The following MEF2B variants were observed in gnomAD, a reference collection of about 807,000 sequenced individuals.
The protein encoded by MEF2B is myocyte enhancer factor 2B, also known as myocyte-specific enhancer factor 2B.
In MEF2B, 15 loss-of-function variants were observed where a neutral mutation model predicts 32.2. That is an observed-to-expected ratio of 0.47 (90% confidence interval 0.31 to 0.72). The LOEUF (loss-of-function observed/expected upper bound fraction) is 0.72. Ranked by LOEUF, MEF2B falls within the 30% of genes least tolerant of loss-of-function variation. MEF2B has a pLI of 0.05. For synonymous variants in MEF2B, 205 were observed against 225.6 expected (o/e 0.91, Z 0.82); for missense variants, 441 against 511.5 (o/e 0.86, Z 1.33).
In MEF2B at chr19:19,147,046, G is replaced by A. The variant is rs758219916; in HGVS notation, c.531C>T (p.Ala177=). 9 of 1,602,182 alleles carry A rather than the reference G, an allele frequency of 5.6e-6. No individual in the cohort carries two copies. The South Asian group carries it at 7.8e-5, about 14-fold the overall frequency. ...PSPFRPAAPK[A]GPPGLVHPLF... is the part of the protein sequence containing the mutation. Reference sequence around the variant, plus strand: ...CTGTCCCATGCTCACCTGGGGGCCCGGCTTTGGGGGCTGCTGGTCGGAAGG... The same window carrying A: ...CTGTCCCATGCTCACCTGGGGGCCCAGCTTTGGGGGCTGCTGGTCGGAAGG... The change falls in exon 5 of 9, where the codon GCC becomes GCT. Residue 177 remains alanine (A), a synonymous_variant. Coordinates refer to ENST00000424583, the MANE Select transcript of MEF2B (RefSeq NM_001145785.2).
At chr19:19,161,369 C>T (rs1020955387) in intron 1 of MEF2B, among the ~76,000 whole-genome samples, 2 of 151,806 alleles carry the variant, frequency 1.3e-5, no homozygotes, top group African/African-American at 4.8e-5. Flanking sequence ...CAAACAGAGC[C>T]GCAGAAAATC....
Position 19,146,623 on chromosome 19 carries a change from T to A in MEF2B, c.701A>T (p.Asn234Ile), listed in dbSNP as rs1365670332. ...TSRSLYSGLQ[N>I]PCSTATPGPP... The stretch of plus-strand genomic sequence containing the variant: ...TCCGGGAGTTGCAGTGGAGCAGGGG[T>A]TCTGCAGGCCACTGTAGAGGCTTCT... Residue 234 changes from asparagine to isoleucine, a missense_variant, in exon 7 of 9, where the codon AAC (asparagine) becomes ATC (isoleucine). Physicochemically the swap from Asn to Ile is moderately radical, Grantham distance 149. Transcript: ENST00000424583. The A allele has an allele frequency of 6.2e-7, 1 of 1,611,432 alleles. No individual in the cohort carries two copies. The highest frequency in any genetic ancestry group is 2.2e-5 in the East Asian group (1 of 44,782).
chr19:19,148,963 C>T (rs1263902771), intron 3 of MEF2B, among the ~76,000 whole-genome samples: 2 of 151,918 alleles, frequency 1.3e-5, no homozygotes, highest in Non-Finnish European at 2.9e-5. Context: ...CTGCCCACTT[C>T]GGCCTCCCAA....
chr19:19,150,923 G>A (rs572460101), intron 1 of MEF2B, among the ~76,000 whole-genome samples, 159 bp from the exon 2 acceptor site: 59 of 152,234 alleles, frequency 3.9e-4, no homozygotes, highest in African/African-American at 1.3e-3. Context: ...CCCCGCCCCC[G>A]GCCAGCCTTA....
chr19:19,153,619 G>A (rs996213025), intron 1 of MEF2B, among the ~76,000 whole-genome samples: 9 of 152,082 alleles, frequency 5.9e-5, no homozygotes, highest in African/African-American at 1.4e-4. Context: ...ACCACACCTC[G>A]CTAATTTTTG....
At chr19:19,147,636 C>T in intron 4 of MEF2B, 62 bp downstream of exon 4, 2 of 1,586,640 alleles carry the variant, frequency 1.3e-6, no homozygotes, top group Non-Finnish European at 1.7e-6. Context: ...GTACCAGCCT[C>T]AACGACTTGG....
intron 1 of MEF2B, among the ~76,000 whole-genome samples, chr19:19,154,573 A>G (rs2060107772): frequency 6.6e-6 from 1 of 152,108 alleles, no homozygotes; most frequent in Non-Finnish European, 1.5e-5. Flanking sequence ...CCTCCCAAGT[A>G]GCTGAGATTA....
chr19:19,159,967 C>CTTT (rs940709586), intron 1 of MEF2B, among the ~76,000 whole-genome samples: 1 of 132,250 alleles, frequency 7.6e-6, no homozygotes, highest in Non-Finnish European at 1.6e-5. Flanking sequence ...GTCTACTGAA[C>CTTT]TTTTTTTTTT....
At chr19:19,158,399 A>G (rs2060134775) in intron 1 of MEF2B, among the ~76,000 whole-genome samples, 2 of 20,348 alleles carry the variant, frequency 9.8e-5, no homozygotes, top group Non-Finnish European at 2.3e-4. Context: ...CAAAAGGAAG[A>G]TTTCTAAAAA....
intron 1 of MEF2B, among the ~76,000 whole-genome samples, chr19:19,169,121 G>A (rs1402636384): frequency 6.6e-6 from 1 of 151,854 alleles, no homozygotes; most frequent in Non-Finnish European, 1.5e-5. Flanking sequence ...GGGAGGTTGA[G>A]GCAGGTGAAT....
In MEF2B at chr19:19,150,556, T is replaced by C. The variant is rs2060070750; in HGVS notation, c.54+126A>G. 8 of 1,032,572 alleles carry C rather than the reference T, an allele frequency of 7.7e-6. No individual in the cohort carries two copies. The East Asian group carries it at 1.1e-4, about 14-fold the overall frequency. 64.0% of individuals were successfully genotyped at this position (1,032,572 alleles called of 1,614,324 possible). A position where few individuals can be genotyped will look rare whatever the true frequency, so the allele number is the denominator to read the frequency against. ...AAAAAAAAAAAAAGAAAGGCTGACA[T>C]GGCATCAGGACTCCTCATGCCTCCT... On this transcript the variant is annotated intron_variant, in intron 2 of 8. Transcript: ENST00000424583.
chr19:19,150,798 G>C, intron 1 of MEF2B, 34 bp from the exon 2 acceptor site: 1 of 1,612,760 alleles, frequency 6.2e-7, no homozygotes, highest in Non-Finnish European at 8.5e-7. Flanking sequence ...CAGAGTGAGT[G>C]GGTGGAGAGT....
intron 1 of MEF2B, among the ~76,000 whole-genome samples, chr19:19,164,946 C>T (rs988976709): frequency 6.6e-6 from 1 of 152,180 alleles, no homozygotes; most frequent in African/African-American, 2.4e-5. Flanking sequence ...GAAATGGATC[C>T]CCAGATGCCC....
At chr19:19,161,336 T>C (rs1448904774) in intron 1 of MEF2B, among the ~76,000 whole-genome samples, 2 of 151,532 alleles carry the variant, frequency 1.3e-5, no homozygotes, top group Non-Finnish European at 1.5e-5. Flanking sequence ...GAGGTAGAAA[T>C]ATTCCCCACA....
chr19:19,151,034 C>T (rs893257030), intron 1 of MEF2B, among the ~76,000 whole-genome samples: 4 of 152,158 alleles, frequency 2.6e-5, no homozygotes, highest in African/African-American at 9.7e-5. Context: ...AGGAGGATCA[C>T]TTGAGCCTGG....
At chr19:19,166,663 G>C (rs541914435) in intron 1 of MEF2B, among the ~76,000 whole-genome samples, 66 of 151,414 alleles carry the variant, frequency 4.4e-4, no homozygotes, top group African/African-American at 1.6e-3. Flanking sequence ...GGAGACTGAG[G>C]TGACAGGATG....
In MEF2B at chr19:19,150,781, G is replaced by A. The variant is rs746256890; in HGVS notation, c.-29-17C>T. On this transcript the variant is annotated splice_polypyrimidine_tract_variant and intron_variant, in intron 1 of 8. Coordinates refer to ENST00000424583, the MANE Select transcript of MEF2B (RefSeq NM_001145785.2). ...GATCTTTGTCTAGGAGGAGAAGAGG[G>A]AGAGGACAGAGTGAGTGGGTGGAGA... 4.3e-6 allele frequency: 7 copies of A among 1,613,992 alleles called. No individual in the cohort carries two copies. The highest frequency in any genetic ancestry group is 1.7e-4 in the Middle Eastern group (1 of 6,036).
chr19:19,160,564 G>A (rs1469432867), intron 1 of MEF2B, among the ~76,000 whole-genome samples: 1 of 151,534 alleles, frequency 6.6e-6, no homozygotes, highest in African/African-American at 2.4e-5. Context: ...GAGCCCGCAG[G>A]GAGGCCACGG....
At chr19:19,152,488 G>C (rs746542960) in intron 1 of MEF2B, among the ~76,000 whole-genome samples, 36 of 152,020 alleles carry the variant, frequency 2.4e-4, no homozygotes, top group Non-Finnish European at 4.6e-4. Flanking sequence ...GGTGGATCAC[G>C]AGGTCAGGCG....
Sources: gnomAD v4.1 joint callset for allele counts (sites outside exome capture counted in the v4.1 genomes callset) on GRCh38, gnomAD v4.1.1 for gene constraint, MANE v1.5 for transcripts, NCBI Gene and HGNC (gene_info 2026-07-23, HGNC 2026-07-21) for gene names.